Variants in ATG7 observed in about 807,000 individuals in gnomAD.
The protein encoded by ATG7 is autophagy related 7.
In ATG7, 70 loss-of-function variants were observed where a neutral mutation model predicts 82.4. That is an observed-to-expected ratio of 0.85 (90% CI 0.70 to 1.04). ATG7 has a LOEUF of 1.04. Ranked by LOEUF, ATG7 falls within the 50% of genes least tolerant of loss-of-function variation. ATG7 has a pLI of 0.00. For missense variants in ATG7, 792 were observed against 864.3 expected, an observed-to-expected ratio of 0.92 and a Z score of 1.05; for synonymous variants, 287 against 313.0, an observed-to-expected ratio of 0.92 and a Z score of 0.88.
chr3:11,281,761 C>T lies in ATG7; in HGVS notation c.-256-432C>T, dbSNP rs183632321. ...TGCACTCTAACCTGGGCAACAAGAG[C>T]GAAACTCCATCTCAAAAAAAAAAAA... On this transcript the variant is annotated intron_variant, in intron 2 of 20. Coordinates refer to ENST00000693202, the MANE Select transcript of ATG7 (RefSeq NM_001349232.2). Among the ~76,000 whole-genome samples the T allele has an allele frequency of 9.6e-3, 1,319 of 136,982 alleles. 12 individuals carry two copies. Among genetic ancestry groups the T allele is most frequent in the Non-Finnish European group, 0.014 (922 of 64,826 alleles). 89.9% of individuals were successfully genotyped at this position (136,982 alleles called of 152,430 possible).
At chr3:11,397,858 G>A (rs537854102) in intron 19 of ATG7, among the ~76,000 whole-genome samples, 2 of 150,992 alleles carry the variant, frequency 1.3e-5, no homozygotes, top group East Asian at 2.0e-4. Flanking sequence ...TGAGGTGGGC[G>A]GATCACCTGA....
At chr3:11,498,173 A>G (rs1042006193) in intron 20 of ATG7, among the ~76,000 whole-genome samples, 2 of 152,180 alleles carry the variant, frequency 1.3e-5, no homozygotes, top group Non-Finnish European at 2.9e-5. Flanking sequence ...ATACATACAT[A>G]TGTACATAAC....
At chr3:11,471,745 C>CTTTTTTTTTTT (rs200590021) in intron 20 of ATG7, among the ~76,000 whole-genome samples, 21 of 105,682 alleles carry the variant, frequency 2.0e-4, no homozygotes, top group South Asian at 3.5e-4. Flanking sequence ...TTTTAGATTT[C>CTTTTTTTTTTT]TTTTTTTTTT....
chr3:11,384,937 T>C (rs1321705197), intron 19 of ATG7, among the ~76,000 whole-genome samples: 1 of 152,228 alleles, frequency 6.6e-6, no homozygotes, highest in African/African-American at 2.4e-5. Flanking sequence ...AGCAAGACTC[T>C]GTCATGCCCA....
chr3:11,275,865 A>G (rs1172895799), intron 1 of ATG7, among the ~76,000 whole-genome samples: 1 of 152,066 alleles, frequency 6.6e-6, no homozygotes, highest in Non-Finnish European at 1.5e-5. Flanking sequence ...TCACACCTTC[A>G]TCCCAGTTAC....
At chr3:11,508,121 C>CT (rs1181603284) in intron 20 of ATG7, among the ~76,000 whole-genome samples, 2 of 152,048 alleles carry the variant, frequency 1.3e-5, no homozygotes, top group African/African-American at 4.8e-5. Context: ...TGTTTACTCT[C>CT]CGACACTTTG....
At chr3:11,524,196 C>G (rs2092514422) in intron 20 of ATG7, among the ~76,000 whole-genome samples, 1 of 152,166 alleles carries the variant, frequency 6.6e-6, no homozygotes, top group South Asian at 2.1e-4. Flanking sequence ...TGGCAGGCTC[C>G]CCTTCACTAG....
At chr3:11,490,986 T>G (rs1559737915) in intron 20 of ATG7, among the ~76,000 whole-genome samples, 1 of 152,198 alleles carries the variant, frequency 6.6e-6, no homozygotes, top group Non-Finnish European at 1.5e-5. Flanking sequence ...CTTTGTGGTG[T>G]TCTCTGTATT....
chr3:11,398,971 C>T lies in ATG7; in HGVS notation c.1956+18919C>T, dbSNP rs1263352785. ...AGGTAGAAATTATTACAGAGAAGAA[C>T]AGAAAGACCTGTAAAATTGCTAAAC... On this transcript the variant is annotated intron_variant, in intron 19 of 20. Transcript: ENST00000693202. Among the ~76,000 whole-genome samples, 3 of 152,174 alleles carry T rather than the reference C, an allele frequency of 2.0e-5. No individual in the cohort carries two copies. The East Asian group carries it at 5.8e-4, about 29-fold the overall frequency.
At chr3:11,538,696 A>G (rs1181172799) in intron 20 of ATG7, among the ~76,000 whole-genome samples, 1 of 142,274 alleles carries the variant, frequency 7.0e-6, no homozygotes, top group Non-Finnish European at 1.5e-5. Flanking sequence ...AAAAAAAAAA[A>G]AAAAAAAAAA....
chr3:11,540,975 C>G (rs143025034), intron 20 of ATG7, among the ~76,000 whole-genome samples: 2,955 of 150,358 alleles, frequency 0.02, 179 homozygotes, highest in Admixed American at 0.1. Context: ...TCTTGGCTCA[C>G]TGCAAGCTCC....
rs1001023459 is a variant in ATG7 at position 11,366,236 on chromosome 3, A to T, written c.1875+1502A>T. ...TCCATCTCAAAAAAAAAAAAAAAAAAAATAGAACTTGTAGAGTTCACTTAG... is the reference window on the plus strand; with the variant it reads ...TCCATCTCAAAAAAAAAAAAAAAAATAATAGAACTTGTAGAGTTCACTTAG... On this transcript the variant is annotated intron_variant, in intron 18 of 20. Coordinates refer to ENST00000693202, the MANE Select transcript of ATG7 (RefSeq NM_001349232.2). Among the ~76,000 whole-genome samples, 6 of 151,774 alleles carry T rather than the reference A, an allele frequency of 4.0e-5. No individual in the cohort carries two copies. In the East Asian group the frequency reaches 5.8e-4, roughly 15 times the overall value.
chr3:11,288,823 T>G (rs1944500203), intron 3 of ATG7: 1 of 152,208 alleles, frequency 6.6e-6, no homozygotes, highest in African/African-American at 2.4e-5. Context: ...AGTCTGAAAT[T>G]TGCACCAAGT....
chr3:11,420,322 G>A (rs551337062), intron 19 of ATG7, among the ~76,000 whole-genome samples: 3 of 152,188 alleles, frequency 2.0e-5, no homozygotes, highest in African/African-American at 7.2e-5. Flanking sequence ...TAAACTTTCT[G>A]TACATCCTCA....
intron 1 of ATG7, among the ~76,000 whole-genome samples, chr3:11,279,103 G>T (rs1364528782): frequency 6.6e-6 from 1 of 152,184 alleles, no homozygotes. Context: ...TCATCCAGGG[G>T]TCCTTGCATG....
the ATG7 span, among the ~76,000 whole-genome samples, chr3:11,565,942 C>T: frequency 1.3e-5 from 2 of 152,190 alleles, no homozygotes; most frequent in Non-Finnish European, 2.9e-5. The surrounding 1 kb of genome is among the most constrained non-coding windows in gnomAD (Gnocchi z 4.1). Context: ...CCATATTATC[C>T]GCTGACAGAG....
At chr3:11,316,635 G>T (rs1278721903) in intron 9 of ATG7, among the ~76,000 whole-genome samples, 1 of 152,198 alleles carries the variant, frequency 6.6e-6, no homozygotes, top group Non-Finnish European at 1.5e-5. Flanking sequence ...AGAGGGCAGG[G>T]CCCAAGTCTT....
rs370839699 is a variant in ATG7 at position 11,486,988 on chromosome 3, G to A, written c.2079+60062G>A. 5.2e-3 allele frequency among the ~76,000 whole-genome samples: 791 copies of A among 151,750 alleles called. 5 individuals are homozygous for A. Among genetic ancestry groups the A allele is most frequent in the Non-Finnish European group, 8.5e-3 (579 of 67,892 alleles). On this transcript the variant is annotated intron_variant, in intron 20 of 20. Coordinates refer to ENST00000693202, the MANE Select transcript of ATG7 (RefSeq NM_001349232.2). ...TAGGCAGAGGACCCTGCGGCCTTCC[G>A]CAGTGTTTGTGTCCCTGATTACTTG... is the stretch of plus-strand genomic sequence containing the variant.
chr3:11,476,102 C>CTTTG (rs1006985409), intron 20 of ATG7, among the ~76,000 whole-genome samples: 8 of 152,184 alleles, frequency 5.3e-5, no homozygotes, highest in African/African-American at 1.9e-4. Context: ...AGAAACCACA[C>CTTTG]TGCAAAGGGT....
Sources: gnomAD v4.1 joint callset for allele counts (sites outside exome capture counted in the v4.1 genomes callset) on GRCh38, gnomAD v4.1.1 for gene constraint, Gnocchi (gnomAD v3.1) non-coding constraint, MANE v1.5 for transcripts, NCBI Gene and HGNC (gene_info 2026-07-23, HGNC 2026-07-21) for gene names.